PTPRK: variants seen among roughly 807,000 people sequenced by gnomAD.
The protein encoded by PTPRK is protein tyrosine phosphatase receptor type K.
PTPRK carries 75 observed loss-of-function variants against 178.0 expected under a neutral mutation model. The observed-to-expected ratio is 0.42, with a 90% confidence interval of 0.35 to 0.51. The LOEUF (loss-of-function observed/expected upper bound fraction) is 0.51. PTPRK is among the 20% of genes least tolerant of loss of function. The pLI, the probability that PTPRK is intolerant of heterozygous loss-of-function variation, is 0.02. For synonymous variants in PTPRK, 637 were observed against 620.6 expected, an observed-to-expected ratio of 1.03 and a Z score of -0.39; for missense variants, 1,441 against 1,797.8, an observed-to-expected ratio of 0.80 and a Z score of 3.59.
intron 1 of PTPRK, among the ~76,000 whole-genome samples, chr6:128,477,788 T>A (rs1357492450): frequency 1.3e-5 from 2 of 152,154 alleles, no homozygotes; most frequent in Non-Finnish European, 2.9e-5. Flanking sequence ...TGACTTTTTT[T>A]ATTAGTAAAA....
chr6:128,388,718 T>C (rs535771053), intron 2 of PTPRK, among the ~76,000 whole-genome samples: 74 of 152,338 alleles, frequency 4.9e-4, no homozygotes, highest in Non-Finnish European at 8.4e-4. Context: ...CTTCAGTTCC[T>C]TCACCTACAG....
chr6:128,501,964 G>A (rs575962286), intron 1 of PTPRK, among the ~76,000 whole-genome samples: 1 of 152,248 alleles, frequency 6.6e-6, no homozygotes, highest in Non-Finnish European at 1.5e-5. Context: ...AGCAGAATTG[G>A]ATGAAAATCT....
chr6:128,358,287 A>T (rs1268624780), intron 2 of PTPRK, among the ~76,000 whole-genome samples: 1 of 152,166 alleles, frequency 6.6e-6, no homozygotes, highest in Non-Finnish European at 1.5e-5. Context: ...TCCCATTCAG[A>T]CACCATCGGT....
At chr6:128,000,401 T>A (rs937103604) in intron 15 of PTPRK, 1 of 998,546 alleles carries the variant, frequency 1.0e-6, no homozygotes, top group Non-Finnish European at 1.3e-6. Context: ...TTGATTGCAT[T>A]TATCTTTACT....
At chr6:128,224,804 C>T (rs1810997539) in intron 5 of PTPRK, among the ~76,000 whole-genome samples, 1 of 152,106 alleles carries the variant, frequency 6.6e-6, no homozygotes, top group Non-Finnish European at 1.5e-5. Context: ...TTCTTACTGT[C>T]ATGCCAAAAC....
chr6:128,179,131 C>T (rs1801535203), intron 7 of PTPRK, among the ~76,000 whole-genome samples: 1 of 151,924 alleles, frequency 6.6e-6, no homozygotes, highest in South Asian at 2.1e-4. Context: ...GAGGTAAAAA[C>T]ATGCAGTTTG....
At chr6:128,126,625 CAT>C (rs889338506) in intron 7 of PTPRK, among the ~76,000 whole-genome samples, 3 of 152,098 alleles carry the variant, frequency 2.0e-5, no homozygotes, top group South Asian at 2.1e-4. Context: ...TAGCTGGAAC[CAT>C]ATGTGTGCAG....
intron 7 of PTPRK, among the ~76,000 whole-genome samples, chr6:128,157,635 A>T (rs1798119590): frequency 6.6e-6 from 1 of 152,006 alleles, no homozygotes; most frequent in African/African-American, 2.4e-5. Context: ...TGCCATTCTA[A>T]CTGGTGTGAG....
chr6:128,077,918 T>G (rs546180606), intron 11 of PTPRK, among the ~76,000 whole-genome samples: 1 of 152,114 alleles, frequency 6.6e-6, no homozygotes, highest in African/African-American at 2.4e-5. Context: ...CAATTTACTC[T>G]GGAATACTTG....
Position 127,998,575 on chromosome 6 carries a change from T to C in PTPRK, c.2679+145A>G, listed in dbSNP as rs1251762604. On this transcript the variant is annotated intron_variant, in intron 16 of 29. Coordinates refer to ENST00000368226, the MANE Select transcript of PTPRK (RefSeq NM_002844.4). ...CCTTCCCATTCCCAGGTACACACAC[T>C]TGGTTGTACACTCATAAACACTAGA... The C allele has an allele frequency of 7.8e-6, 4 of 511,074 alleles. No individual in the cohort carries two copies. In the East Asian group the frequency reaches 1.0e-4, roughly 13 times the overall value. The allele number at this position is 511,074 out of a possible 1,614,324, so 31.7% of individuals were successfully genotyped here.
intron 14 of PTPRK, chr6:128,008,123 A>C (rs758090832): frequency 8.1e-7 from 1 of 1,238,706 alleles, no homozygotes; most frequent in Non-Finnish European, 1.1e-6. Context: ...AATATATTAA[A>C]ATAAACTCTG....
At chr6:128,158,879 C>A (rs867462813) in intron 7 of PTPRK, among the ~76,000 whole-genome samples, 4 of 151,856 alleles carry the variant, frequency 2.6e-5, no homozygotes, top group African/African-American at 9.7e-5. Context: ...TATACAGTAT[C>A]ATTCTTTTCT....
chr6:128,471,605 A>T (rs989092151), intron 1 of PTPRK, among the ~76,000 whole-genome samples: 21 of 52,026 alleles, frequency 4.0e-4, no homozygotes, highest in African/African-American at 3.5e-3. Flanking sequence ...AAAACAACCT[A>T]AAAAAAAAAA....
At chr6:127,975,062 A>T (rs974916540) in intron 27 of PTPRK, among the ~76,000 whole-genome samples, 1 of 152,200 alleles carries the variant, frequency 6.6e-6, no homozygotes, top group Non-Finnish European at 1.5e-5. Flanking sequence ...AATATATTAA[A>T]TATATTAAAT....
intron 1 of PTPRK, among the ~76,000 whole-genome samples, chr6:128,442,884 A>C (rs546846394): frequency 6.6e-6 from 1 of 152,228 alleles, no homozygotes; most frequent in Admixed American, 6.5e-5. Flanking sequence ...TTAAAGAATA[A>C]TCAGGAAACT....
intron 7 of PTPRK, among the ~76,000 whole-genome samples, chr6:128,117,562 T>A (rs1791743890): frequency 6.6e-6 from 1 of 152,252 alleles, no homozygotes; most frequent in Non-Finnish European, 1.5e-5. Flanking sequence ...GTTTTCTGTA[T>A]TTTTTAGTCT....
At chr6:128,362,173 G>A (rs1273035718) in intron 2 of PTPRK, among the ~76,000 whole-genome samples, 1 of 152,156 alleles carries the variant, frequency 6.6e-6, no homozygotes, top group African/African-American at 2.4e-5. Context: ...TGAGGCCTCA[G>A]AGAGCTTTTA....
At chr6:128,309,994 C>G (rs1185695735) in intron 3 of PTPRK, among the ~76,000 whole-genome samples, 1 of 152,150 alleles carries the variant, frequency 6.6e-6, no homozygotes, top group African/African-American at 2.4e-5. Flanking sequence ...CACTTATATG[C>G]AGGCTAATCA....
intron 13 of PTPRK, among the ~76,000 whole-genome samples, chr6:128,040,058 G>A (rs1346136303): frequency 6.6e-6 from 1 of 152,084 alleles, no homozygotes; most frequent in Admixed American, 6.6e-5. Flanking sequence ...TACTGTGCTG[G>A]GAAAGCCAAG....
Sources: allele counts gnomAD v4.1 joint callset (sites outside exome capture counted in the v4.1 genomes callset), GRCh38; gene constraint gnomAD v4.1.1; transcripts MANE v1.5; gene names NCBI Gene and HGNC (gene_info 2026-07-23, HGNC 2026-07-21).